The following FAM13A variants were observed in gnomAD, a reference collection of about 807,000 sequenced individuals.
FAM13A encodes the protein protein FAM13A.
Under a neutral mutation model 129.6 loss-of-function variants are expected in FAM13A, and 76 were observed. The ratio of observed to expected loss-of-function variants is 0.59; its 90% CI spans 0.49 to 0.71. The LOEUF is 0.71. Among genes scored for constraint, FAM13A ranks in the 30% least tolerant of loss-of-function variants. FAM13A has a pLI of 0.00. For synonymous variants in FAM13A, 443 were observed against 449.9 expected, an observed-to-expected ratio of 0.98 and a Z score of 0.20; for missense variants, 1,108 against 1,249.3, an observed-to-expected ratio of 0.89 and a Z score of 1.70.
At chr4:88,780,946 G>C (rs1440385007) in intron 11 of FAM13A, among the ~76,000 whole-genome samples, 1 of 151,516 alleles carries the variant, frequency 6.6e-6, no homozygotes, top group African/African-American at 2.4e-5. Flanking sequence ...AAATCAGAAT[G>C]TGTGGTGTCT....
At chr4:89,010,548 G>C (rs552770588) in intron 3 of FAM13A, among the ~76,000 whole-genome samples, 2 of 152,326 alleles carry the variant, frequency 1.3e-5, no homozygotes, top group Non-Finnish European at 2.9e-5. Context: ...GCTACCCTGT[G>C]TACAGATAGA....
Position 88,918,161 on chromosome 4 carries a change from C to A in FAM13A, c.760-11699G>T, listed in dbSNP as rs188358321. On this transcript the variant is annotated intron_variant, in intron 5 of 23. Coordinates refer to ENST00000264344, the MANE Select transcript of FAM13A (RefSeq NM_014883.4). The stretch of plus-strand genomic sequence containing the variant: ...CAACTAAAGAAAGTACTTTGAGTTA[C>A]ACAAATATTTATTATAGTGTCTTTC... Among the ~76,000 whole-genome samples, 13 of 152,228 alleles carry A rather than the reference C, an allele frequency of 8.5e-5. No individual in the cohort carries two copies. In the East Asian group the frequency reaches 2.1e-3, roughly 25 times the overall value.
intron 21 of FAM13A, 90 bp downstream of exon 21, chr4:88,737,382 A>G: frequency 8.9e-7 from 1 of 1,125,422 alleles, no homozygotes. Flanking sequence ...AAAAGGCCCG[A>G]TCACACCCCC....
rs192387223 is a variant in FAM13A at position 88,953,312 on chromosome 4, G to A, written c.606-15071C>T. ...TCTACTAAAAGTACAAAAATTAGCC[G>A]GGCGTGGTGGCAGGCACCTGTAATC... On this transcript the variant is annotated intron_variant, in intron 4 of 23. Coordinates refer to ENST00000264344, the MANE Select transcript of FAM13A (RefSeq NM_014883.4). Among the ~76,000 whole-genome samples, 113 of 151,914 alleles carry A rather than the reference G, an allele frequency of 7.4e-4. No homozygotes were observed. In the East Asian group the frequency reaches 0.02, roughly 27 times the overall value.
chr4:88,973,021 T>A (rs1003171336), intron 4 of FAM13A, among the ~76,000 whole-genome samples: 1 of 152,166 alleles, frequency 6.6e-6, no homozygotes, highest in Non-Finnish European at 1.5e-5. Flanking sequence ...TTCAGAGAAG[T>A]CAGATGTAGA....
At chr4:88,770,933 A>G (rs569552947) in intron 11 of FAM13A, among the ~76,000 whole-genome samples, 2 of 152,286 alleles carry the variant, frequency 1.3e-5, no homozygotes, top group East Asian at 1.9e-4. Flanking sequence ...GTAGTTCACA[A>G]AGGCTGATTT....
chr4:88,924,396 G>A (rs1337347807), intron 5 of FAM13A, among the ~76,000 whole-genome samples: 6 of 151,982 alleles, frequency 3.9e-5, no homozygotes, highest in African/African-American at 9.7e-5. Context: ...CAGAAATAAC[G>A]CCACATATCT....
At chr4:88,968,693 T>C (rs1378561635) in intron 4 of FAM13A, among the ~76,000 whole-genome samples, 2 of 152,206 alleles carry the variant, frequency 1.3e-5, no homozygotes, top group Non-Finnish European at 2.9e-5. Flanking sequence ...TCCTTTTTTT[T>C]TACTTCATGT....
chr4:88,922,426 C>T (rs1751280110), intron 5 of FAM13A, among the ~76,000 whole-genome samples: 1 of 152,100 alleles, frequency 6.6e-6, no homozygotes, highest in African/African-American at 2.4e-5. Context: ...TACATGGAAA[C>T]TGAACAACCT....
intron 6 of FAM13A, among the ~76,000 whole-genome samples, chr4:88,866,455 T>C (rs989578686): frequency 1.3e-5 from 2 of 152,190 alleles, no homozygotes; most frequent in Non-Finnish European, 2.9e-5. Context: ...TCTGGGATTA[T>C]AGGCGTGAGT....
chr4:89,034,931 T>C (rs1769174016), intron 1 of FAM13A, among the ~76,000 whole-genome samples: 1 of 152,208 alleles, frequency 6.6e-6, no homozygotes, highest in Non-Finnish European at 1.5e-5. Flanking sequence ...TGTGCTCATA[T>C]GTTTATTGCA....
chr4:89,032,186 A>C (rs1768780699), intron 1 of FAM13A, among the ~76,000 whole-genome samples: 1 of 152,092 alleles, frequency 6.6e-6, no homozygotes, highest in Admixed American at 6.5e-5. Flanking sequence ...CGGAGCTTGC[A>C]GTGAGCCGAG....
intron 16 of FAM13A, among the ~76,000 whole-genome samples, chr4:88,749,531 T>C (rs1326410727): frequency 6.6e-6 from 1 of 152,228 alleles, no homozygotes; most frequent in Non-Finnish European, 1.5e-5. Context: ...TACTGATTAA[T>C]TTATAAAATG....
At chr4:88,803,379 T>A (rs1333335030) in intron 8 of FAM13A, among the ~76,000 whole-genome samples, 1 of 152,186 alleles carries the variant, frequency 6.6e-6, no homozygotes, top group African/African-American at 2.4e-5. Context: ...AAGTAGCTTC[T>A]ATTAAGAGTT....
rs573455353 is a variant in FAM13A, at chr4:88,852,959, C to T, written c.844-1776G>A. Among the ~76,000 whole-genome samples, 84 of 152,166 alleles carry T rather than the reference C, an allele frequency of 5.5e-4. 1 individual carries two copies. The highest frequency in any genetic ancestry group is 4.1e-4 in the South Asian group (2 of 4,822). On this transcript the variant is annotated intron_variant, in intron 6 of 23. Coordinates refer to ENST00000264344, the MANE Select transcript of FAM13A (RefSeq NM_014883.4). ...TTAATTTACAAAACCAAACAACACA[C>T]GCAAACAAAATATATGAACATAATT...
intron 6 of FAM13A, among the ~76,000 whole-genome samples, chr4:88,879,026 T>G (rs935040924): frequency 2.0e-5 from 3 of 152,218 alleles, no homozygotes; most frequent in African/African-American, 7.2e-5. Flanking sequence ...GGTTGATATA[T>G]AAAACGGTCT....
intron 7 of FAM13A, among the ~76,000 whole-genome samples, chr4:88,816,366 A>C (rs949051587): frequency 2.0e-5 from 3 of 152,216 alleles, no homozygotes; most frequent in Non-Finnish European, 4.4e-5. Context: ...TAGTATAAGA[A>C]TATTCCTAGC....
intron 6 of FAM13A, among the ~76,000 whole-genome samples, chr4:88,903,899 G>A (rs1180262722): frequency 6.6e-6 from 1 of 152,004 alleles, no homozygotes; most frequent in Non-Finnish European, 1.5e-5. Flanking sequence ...CTAACATCAA[G>A]TCTACAAGGA....
At chr4:88,790,146 T>C (rs1281863327) in intron 9 of FAM13A, among the ~76,000 whole-genome samples, 1 of 152,130 alleles carries the variant, frequency 6.6e-6, no homozygotes, top group Non-Finnish European at 1.5e-5. Context: ...CAAGGCGTCC[T>C]TGACATTACA....
Sources: allele counts gnomAD v4.1 joint callset (sites outside exome capture counted in the v4.1 genomes callset), GRCh38; gene constraint gnomAD v4.1.1; transcripts MANE v1.5; gene names NCBI Gene and HGNC (gene_info 2026-07-23, HGNC 2026-07-21).